The following SLCO6A1 variants were observed in gnomAD, a reference collection of about 807,000 sequenced individuals.
SLCO6A1 encodes solute carrier organic anion transporter family member 6A1.
Under a neutral mutation model 72.7 loss-of-function variants are expected in SLCO6A1, and 65 were observed. The ratio of observed to expected loss-of-function variants is 0.89; its 90% CI spans 0.73 to 1.10. SLCO6A1 has a LOEUF of 1.10. Among genes scored for constraint, SLCO6A1 ranks in the 50% least tolerant of loss-of-function variants. The pLI is 0.00. For synonymous variants in SLCO6A1, 314 were observed against 298.2 expected (o/e 1.05, Z -0.55); for missense variants, 874 against 872.6 (o/e 1.00, Z -0.02).
chr5:102,379,200 T>C (rs1442937056), intron 12 of SLCO6A1, among the ~76,000 whole-genome samples: 1 of 152,216 alleles, frequency 6.6e-6, no homozygotes, highest in Non-Finnish European at 1.5e-5. Flanking sequence ...TTATTTATTC[T>C]GATAATTAGT....
rs1186314998 is a variant in SLCO6A1 at position 102,446,319 on chromosome 5, C to CT, written c.1132-7559dup. Among the ~76,000 whole-genome samples the CT allele has an allele frequency of 2.6e-5, 4 of 151,942 alleles. No homozygotes were observed. The South Asian group carries it at 8.3e-4, about 32-fold the overall frequency. ...GTTAGTTGTATTCCTATATTTTAGTCTTTTTGTGGCTATCGTGAATGGGAT... is the reference window on the plus strand; with the variant it reads ...GTTAGTTGTATTCCTATATTTTAGTCTTTTTTGTGGCTATCGTGAATGGGAT... On this transcript the variant is annotated intron_variant, in intron 6 of 13. Coordinates refer to ENST00000506729, the MANE Select transcript of SLCO6A1 (RefSeq NM_173488.5).
intron 9 of SLCO6A1, among the ~76,000 whole-genome samples, chr5:102,408,750 T>C (rs966240843): frequency 6.6e-6 from 1 of 152,064 alleles, no homozygotes; most frequent in Non-Finnish European, 1.5e-5. Context: ...AAAGTCAATA[T>C]TGATTGTACA....
At chr5:102,379,727 C>T (rs1746004412) in intron 12 of SLCO6A1, among the ~76,000 whole-genome samples, 1 of 147,420 alleles carries the variant, frequency 6.8e-6, no homozygotes. Flanking sequence ...CATAGTAATT[C>T]TTACCCTTTA....
chr5:102,479,788 T>G (rs908741512), intron 2 of SLCO6A1, among the ~76,000 whole-genome samples: 3 of 152,122 alleles, frequency 2.0e-5, no homozygotes, highest in Non-Finnish European at 4.4e-5. Context: ...CACTTTGAGT[T>G]CATGATTAAT....
At chr5:102,397,811 C>G (rs921174036) in intron 10 of SLCO6A1, among the ~76,000 whole-genome samples, 1 of 152,098 alleles carries the variant, frequency 6.6e-6, no homozygotes, top group Non-Finnish European at 1.5e-5. Flanking sequence ...CACTTATATG[C>G]AATTTCAACT....
At chr5:102,380,353 G>C (rs1406329701) in intron 12 of SLCO6A1, among the ~76,000 whole-genome samples, 1 of 151,948 alleles carries the variant, frequency 6.6e-6, no homozygotes, top group African/African-American at 2.4e-5. Flanking sequence ...AAAAGCATTA[G>C]ATGAGTCATC....
chr5:102,399,074 C>A (rs567915306), intron 10 of SLCO6A1, among the ~76,000 whole-genome samples: 4 of 151,334 alleles, frequency 2.6e-5, no homozygotes, highest in Non-Finnish European at 4.4e-5. Flanking sequence ...TTAGGAAGAA[C>A]GCATAAATAA....
At chr5:102,420,411 C>T (rs1165791695) in intron 7 of SLCO6A1, among the ~76,000 whole-genome samples, 1 of 152,138 alleles carries the variant, frequency 6.6e-6, no homozygotes, top group Non-Finnish European at 1.5e-5. Flanking sequence ...GACAAAAGTT[C>T]ACAGAGATTT....
At chr5:102,409,186 A>C (rs139278667) in intron 9 of SLCO6A1, among the ~76,000 whole-genome samples, 1 of 152,152 alleles carries the variant, frequency 6.6e-6, no homozygotes, top group Non-Finnish European at 1.5e-5. Context: ...TCAACAGCAG[A>C]TATCTATTTT....
At chr5:102,418,120 T>G (rs1597769) in intron 8 of SLCO6A1, among the ~76,000 whole-genome samples, 285 of 152,228 alleles carry the variant, frequency 1.9e-3, no homozygotes, top group African/African-American at 6.5e-3. Context: ...ATTATTCCAC[T>G]GTCTTCTTAC....
intron 12 of SLCO6A1, among the ~76,000 whole-genome samples, chr5:102,378,070 A>C (rs1745904422): frequency 6.6e-6 from 1 of 151,816 alleles, no homozygotes; most frequent in Admixed American, 6.6e-5. Flanking sequence ...TTATTATACA[A>C]TATATAAGTG....
intron 7 of SLCO6A1, among the ~76,000 whole-genome samples, chr5:102,422,904 C>A (rs1345836873): frequency 6.6e-6 from 1 of 150,686 alleles, no homozygotes. Context: ...TAAGGGAAGC[C>A]CATCAGACTA....
rs376314795 is a variant in SLCO6A1, at chr5:102,438,653, A to G, written c.1240T>C (p.Phe414Leu). ...EFLPIYLENQ[F>L]ILTPTVATTL... ...GTTGCCACAGTGGGTGTTAATATAA[A>G]CTGATTTTCTAAATATATAGGCAAA... The change falls in exon 7 of 14, where the codon TTT (phenylalanine) becomes CTT (leucine). Residue 414 changes from phenylalanine to leucine, a missense_variant. Transcript: ENST00000506729. The G allele has an allele frequency of 6.3e-6, 10 of 1,591,944 alleles. No homozygotes were observed. The African/African-American group carries it at 8.1e-5, about 13-fold the overall frequency.
chr5:102,494,819 C>A (rs1232308815), intron 1 of SLCO6A1, among the ~76,000 whole-genome samples: 3 of 152,178 alleles, frequency 2.0e-5, no homozygotes, highest in Non-Finnish European at 4.4e-5. Flanking sequence ...AATGGTACAG[C>A]CACTTTGTAA....
chr5:102,471,072 T>C (rs1275958558), intron 4 of SLCO6A1, among the ~76,000 whole-genome samples: 2 of 152,034 alleles, frequency 1.3e-5, no homozygotes, highest in Non-Finnish European at 2.9e-5. Context: ...GTTGTTGTAA[T>C]GATTTCTCCA....
intron 1 of SLCO6A1, among the ~76,000 whole-genome samples, chr5:102,496,843 A>C (rs1752931974): frequency 6.6e-6 from 1 of 152,170 alleles, no homozygotes; most frequent in African/African-American, 2.4e-5. Flanking sequence ...TTGTGAAACA[A>C]GCCTTTCTAA....
intron 1 of SLCO6A1, among the ~76,000 whole-genome samples, chr5:102,488,028 T>C (rs575889376): frequency 2.0e-5 from 3 of 152,192 alleles, no homozygotes; most frequent in East Asian, 1.9e-4. Context: ...AAAACTGCAA[T>C]GAAAAATGGG....
chr5:102,383,006 A>G (rs2112491336), intron 12 of SLCO6A1, among the ~76,000 whole-genome samples: 1 of 147,904 alleles, frequency 6.8e-6, no homozygotes, highest in Non-Finnish European at 1.5e-5. Flanking sequence ...ATATATATGA[A>G]AAGTCTATTG....
At chr5:102,487,225 C>A (rs1261677638) in intron 1 of SLCO6A1, among the ~76,000 whole-genome samples, 1 of 152,146 alleles carries the variant, frequency 6.6e-6, no homozygotes, top group African/African-American at 2.4e-5. Flanking sequence ...CTAAAATCAC[C>A]ATTAACTTCA....
Sources: gnomAD v4.1 joint callset for allele counts (sites outside exome capture counted in the v4.1 genomes callset) on GRCh38, gnomAD v4.1.1 for gene constraint, MANE v1.5 for transcripts, NCBI Gene and HGNC (gene_info 2026-07-23, HGNC 2026-07-21) for gene names.